The following BAHCC1 variants were observed in gnomAD, a reference collection of about 807,000 sequenced individuals.
The protein encoded by BAHCC1 is BAH and coiled-coil domain-containing protein 1.
BAHCC1 carries 43 observed loss-of-function variants against 88.2 expected under a neutral mutation model. The ratio of observed to expected loss-of-function variants is 0.49; its 90% confidence interval spans 0.38 to 0.63. The LOEUF is 0.63. BAHCC1 is among the 20% of genes least tolerant of loss of function. The pLI, the probability that BAHCC1 is intolerant of heterozygous loss-of-function variation, is 0.00. For missense variants in BAHCC1, 3,023 were observed against 1,654.8 expected, an observed-to-expected ratio of 1.83 and a Z score of -14.34; for synonymous variants, 1,510 against 745.5, an observed-to-expected ratio of 2.03 and a Z score of -16.71.
rs1361128557 is a variant in BAHCC1 at position 81,435,400 on chromosome 17, A to AC, written c.359-2965dup. ...GGCAGGATGTGGGGACCTCGGTGCG[A>AC]CCCCCACTGCCCCCAGGGCTCTTCC... is the stretch of plus-strand genomic sequence containing the variant. On this transcript the variant is annotated intron_variant, in intron 3 of 27. Coordinates refer to ENST00000675386, the MANE Select transcript of BAHCC1 (RefSeq NM_001377448.1). This position sits in a 1 kb window ranked among gnomAD's most constrained non-coding sequence, Gnocchi z 4.4. The AC allele has an allele frequency of 2.2e-6, 1 of 464,096 alleles. No homozygotes were observed. The highest frequency in any genetic ancestry group is 2.0e-5 in the African/African-American group (1 of 49,248). 28.7% of individuals were successfully genotyped at this position (464,096 alleles called of 1,614,324 possible). A position where few individuals can be genotyped will look rare whatever the true frequency, so the allele number is the denominator to read the frequency against.
At chr17:81,456,799 C>T (rs116295444) in intron 16 of BAHCC1, among the ~76,000 whole-genome samples, 2,695 of 152,212 alleles carry the variant, frequency 0.018, 102 homozygotes, top group African/African-American at 0.061. Context: ...AGCTCAGTGG[C>T]TCAGCATGCC....
chr17:81,425,202 A>G (rs111211155), intron 2 of BAHCC1, among the ~76,000 whole-genome samples: 70 of 3,834 alleles, frequency 0.018, no homozygotes, highest in African/African-American at 0.052. Context: ...GTGGTTGGTG[A>G]TGATGGTGGG....
In BAHCC1 at chr17:81,399,968, C is replaced by T; in HGVS notation, c.178+51C>T. 1.6e-6 allele frequency: 2 copies of T among 1,267,426 alleles called. No homozygotes were observed. The highest frequency in any genetic ancestry group is 2.2e-5 in the South Asian group (1 of 45,258). The allele number at this position is 1,267,426 out of a possible 1,614,324, so 78.5% of individuals were successfully genotyped here. A position where few individuals can be genotyped will look rare whatever the true frequency, so the allele number is the denominator to read the frequency against. On this transcript the variant is annotated intron_variant, in intron 2 of 27. Transcript: ENST00000675386. This position sits in a 1 kb window ranked among gnomAD's most constrained non-coding sequence, Gnocchi z 4.5. ...GGGACGGGAGCGTTCGAGAGCGGAA[C>T]AGGGCGCCCACCCCTCCGCTCCCGG...
chr17:81,456,734 C>T (rs2064756860), intron 16 of BAHCC1, 149 bp downstream of exon 16: 4 of 577,458 alleles, frequency 6.9e-6, no homozygotes, highest in Non-Finnish European at 1.2e-5. Flanking sequence ...TTTCACTGAA[C>T]AGGCTGGGGA....
chr17:81,424,906 G>A (rs561028458), intron 2 of BAHCC1, among the ~76,000 whole-genome samples: 1 of 151,448 alleles, frequency 6.6e-6, no homozygotes, highest in African/African-American at 2.4e-5. Flanking sequence ...GTGGTTGGTG[G>A]TGATGTGGTT....
At chr17:81,426,488 TATGGCTC>T (rs2064201743) in intron 2 of BAHCC1, among the ~76,000 whole-genome samples, 1 of 148,780 alleles carries the variant, frequency 6.7e-6, no homozygotes, top group African/African-American at 2.5e-5. Context: ...TGGTGGGTGA[TATGGCTC>T]GTGGTGGTGG....
chr17:81,443,964 T>C, intron 6 of BAHCC1, 47 bp downstream of exon 6: 1 of 698,952 alleles, frequency 1.4e-6, no homozygotes. Context: ...AGGCCTGGGC[T>C]TGGGGCTCCC....
At chr17:81,433,421 G>C (rs1468483882) in intron 3 of BAHCC1, among the ~76,000 whole-genome samples, 2 of 152,122 alleles carry the variant, frequency 1.3e-5, no homozygotes, top group Non-Finnish European at 2.9e-5. Flanking sequence ...TGCAGTCACT[G>C]CTGAGGCCCC....
In BAHCC1 at chr17:81,420,412, C is replaced by T. The variant is rs550731514; in HGVS notation, c.179-6388C>T. Among the ~76,000 whole-genome samples, 11 of 152,324 alleles carry T rather than the reference C, an allele frequency of 7.2e-5. No homozygotes were observed. In the South Asian group the frequency reaches 2.3e-3, roughly 32 times the overall value. ...GCCCAGCTGTTGTGCAGCTGTTCCC[C>T]AGTCTTCCCGCTGCTGGGCCACCCT... On this transcript the variant is annotated intron_variant, in intron 2 of 27. Transcript: ENST00000675386.
intron 2 of BAHCC1, chr17:81,401,121 G>C (rs995873134): frequency 5.3e-5 from 8 of 152,286 alleles, no homozygotes; most frequent in African/African-American, 1.7e-4. Context: ...GATTAAAACG[G>C]ATGGCAGAGA....
rs1555659017 is a variant in BAHCC1 at position 81,460,870 on chromosome 17, A to G, written c.6207A>G (p.Lys2069=). ...KKSISKDKAG[K]AELLTSGAKS... ...CTGCTGGGCTTTTGCCCTCAGGTAA[A>G]GCCGAACTCCTAACCTCAGGTGCCA... Residue 2069 remains lysine, a synonymous_variant, in exon 26 of 28, where the codon AAA becomes AAG. Transcript: ENST00000675386. The G allele has an allele frequency of 2.6e-6, 2 of 766,390 alleles. No homozygotes were observed. Among genetic ancestry groups the G allele is most frequent in the South Asian group, 2.7e-5 (2 of 74,612 alleles). 47.5% of individuals were successfully genotyped at this position (766,390 alleles called of 1,614,324 possible). A position where few individuals can be genotyped will look rare whatever the true frequency, so the allele number is the denominator to read the frequency against.
At chr17:81,445,305 G>A (rs2143538970) in intron 9 of BAHCC1, 49 bp from the exon 10 acceptor site, 1 of 739,198 alleles carries the variant, frequency 1.4e-6, no homozygotes, top group East Asian at 2.6e-5. Context: ...GGGGCCCACT[G>A]GGGTCAGGGG....
At chr17:81,426,078 G>A (rs2064192590) in intron 2 of BAHCC1, among the ~76,000 whole-genome samples, 27 of 151,490 alleles carry the variant, frequency 1.8e-4, no homozygotes, top group African/African-American at 6.5e-4. Context: ...GTGGTTGGTG[G>A]TGATGTGGTT....
At chr17:81,450,603 G>A (rs2064615171) in intron 11 of BAHCC1, among the ~76,000 whole-genome samples, 1 of 152,238 alleles carries the variant, frequency 6.6e-6, no homozygotes, top group African/African-American at 2.4e-5. Flanking sequence ...CCCAGGGCTG[G>A]AGCGTGCTGG....
At chr17:81,432,544 A>ACCCGGC (rs2064272986) in intron 3 of BAHCC1, among the ~76,000 whole-genome samples, 1 of 13,582 alleles carries the variant, frequency 7.4e-5, no homozygotes. Context: ...CCCACCCATC[A>ACCCGGC]CCAGGCCCAC....
intron 11 of BAHCC1, among the ~76,000 whole-genome samples, 182 bp from the exon 12 acceptor site, chr17:81,451,486 C>T (rs1555655735): frequency 6.6e-6 from 1 of 152,204 alleles, no homozygotes; most frequent in Non-Finnish European, 1.5e-5. Context: ...GTCTCCCCAG[C>T]ATGCAGCAAA....
At chr17:81,456,180 CA>C (rs1349675084) in intron 15 of BAHCC1, 116 bp from the exon 16 acceptor site, 4 of 607,360 alleles carry the variant, frequency 6.6e-6, no homozygotes, top group African/African-American at 3.8e-5. Flanking sequence ...GGATCGAGGG[CA>C]GGGGCCTCGA....
chr17:81,416,204 G>A (rs535537182), intron 2 of BAHCC1, among the ~76,000 whole-genome samples: 21 of 148,896 alleles, frequency 1.4e-4, no homozygotes, highest in South Asian at 8.6e-4. Flanking sequence ...GTGTATGCGC[G>A]TGTGTACGTG....
At chr17:81,413,048 C>T (rs2063974704) in intron 2 of BAHCC1, 1 of 368,396 alleles carries the variant, frequency 2.7e-6, no homozygotes, top group Non-Finnish European at 5.6e-6. Flanking sequence ...GAAACGAGTC[C>T]AGGTCCCGCC....
Sources: allele counts gnomAD v4.1 joint callset (sites outside exome capture counted in the v4.1 genomes callset), GRCh38; gene constraint gnomAD v4.1.1; non-coding constraint Gnocchi (gnomAD v3.1); transcripts MANE v1.5; gene names NCBI Gene and HGNC (gene_info 2026-07-23, HGNC 2026-07-21).